TUT4: variants seen among roughly 807,000 people sequenced by gnomAD.
TUT4 encodes the protein terminal uridylyl transferase 4, also known as terminal uridylyltransferase 4.
A neutral mutation model predicts 192.2 loss-of-function variants in TUT4; 36 were observed. The observed-to-expected ratio is 0.19, with a 90% CI of 0.14 to 0.25. The LOEUF (loss-of-function observed/expected upper bound fraction) is 0.25. Among genes scored for constraint, TUT4 ranks in the 10% least tolerant of loss-of-function variants. The pLI, the probability that TUT4 is intolerant of heterozygous loss-of-function variation, is 1.00. For missense variants in TUT4, 1,493 were observed against 1,957.2 expected (o/e 0.76, Z 4.47); for synonymous variants, 618 against 666.0 (o/e 0.93, Z 1.11).
intron 1 of TUT4, among the ~76,000 whole-genome samples, chr1:52,551,031 CTT>C (rs1172382768): frequency 6.6e-6 from 1 of 152,020 alleles, no homozygotes; most frequent in South Asian, 2.1e-4. Context: ...TTAAACAGCT[CTT>C]TGTTAATCAG....
chr1:52,548,545 A>G (rs1049162381), intron 1 of TUT4, among the ~76,000 whole-genome samples: 1 of 152,148 alleles, frequency 6.6e-6, no homozygotes, highest in South Asian at 2.1e-4. Flanking sequence ...TAGCTATGAG[A>G]TATTGTCCAA....
Position 52,423,954 on chromosome 1 carries a change from C to A in TUT4, c.4919G>T (p.Arg1640Ile). The change falls in exon 30 of 30, where the codon AGA becomes ATA. Residue 1640 changes from arginine to isoleucine, a missense_variant. Around this residue, in one of 7 missense-constraint regions of TUT4, gnomAD observed 351 missense variants for 397.8 expected, o/e 0.88. Coordinates refer to ENST00000257177, the MANE Select transcript of TUT4 (RefSeq NM_001009881.3). ...CTCGCATTACTCCGACACGTTTCCTCTTGGTGGGTGGGGACAACGCTCTCT... is the reference window on the plus strand; with the variant it reads ...CTCGCATTACTCCGACACGTTTCCTATTGGTGGGTGGGGACAACGCTCTCT... ...RCRERCPHPP[R>I]GNVSE 2 of 1,613,186 alleles carry A rather than the reference C, an allele frequency of 1.2e-6. No homozygotes were observed. The highest frequency in any genetic ancestry group is 1.7e-6 in the Non-Finnish European group (2 of 1,179,646).
chr1:52,493,014 T>A (rs1557838247), intron 7 of TUT4, among the ~76,000 whole-genome samples: 1 of 152,204 alleles, frequency 6.6e-6, no homozygotes, highest in Non-Finnish European at 1.5e-5. Flanking sequence ...ACATAAGAAA[T>A]GCCCATAATA....
chr1:52,511,181 C>T (rs571567875), intron 3 of TUT4, among the ~76,000 whole-genome samples: 2 of 152,248 alleles, frequency 1.3e-5, no homozygotes, highest in Admixed American at 1.3e-4. Context: ...ATCAGAACTC[C>T]CCATTTTATT....
At chr1:52,536,302 A>T (rs1049246459) in intron 1 of TUT4, among the ~76,000 whole-genome samples, 1 of 152,226 alleles carries the variant, frequency 6.6e-6, no homozygotes, top group Admixed American at 6.5e-5. Context: ...AGCTGGCATT[A>T]TTCAAACTAG....
chr1:52,471,803 T>C (rs1387515803), intron 14 of TUT4, 149 bp downstream of exon 14: 29 of 788,258 alleles, frequency 3.7e-5, no homozygotes, highest in South Asian at 6.5e-5. Context: ...CTGCACATAA[T>C]AGTCATTTAG....
chr1:52,506,832 T>C (rs1275919031), intron 4 of TUT4, among the ~76,000 whole-genome samples: 1 of 152,244 alleles, frequency 6.6e-6, no homozygotes, highest in East Asian at 1.9e-4. Flanking sequence ...CCTCTTTGCA[T>C]ACCTGATAAT....
At chr1:52,523,405 A>G (rs1680834196) in intron 2 of TUT4, among the ~76,000 whole-genome samples, 1 of 152,172 alleles carries the variant, frequency 6.6e-6, no homozygotes, top group African/African-American at 2.4e-5. Context: ...CAAGAGTTCA[A>G]GACCAGCTTA....
chr1:52,455,631 G>C (rs1387171803), intron 20 of TUT4, among the ~76,000 whole-genome samples: 39 of 91,916 alleles, frequency 4.2e-4, no homozygotes, highest in Non-Finnish European at 7.6e-4. Context: ...AAAAAAAAAA[G>C]ACGGGGGAGA....
At chr1:52,464,194 G>A (rs1663415545) in intron 16 of TUT4, among the ~76,000 whole-genome samples, 3 of 152,092 alleles carry the variant, frequency 2.0e-5, no homozygotes, top group African/African-American at 7.2e-5. Context: ...CTCAATAAAT[G>A]TTAGTTCTCC....
intron 15 of TUT4, among the ~76,000 whole-genome samples, chr1:52,467,736 T>G (rs916578810): frequency 6.6e-6 from 1 of 152,184 alleles, no homozygotes; most frequent in African/African-American, 2.4e-5. Context: ...CATTACAATC[T>G]ACCTCTAATA....
intron 5 of TUT4, among the ~76,000 whole-genome samples, chr1:52,496,424 A>T (rs528768994): frequency 1.3e-5 from 2 of 152,202 alleles, no homozygotes; most frequent in South Asian, 2.1e-4. Flanking sequence ...CTCAAAATGG[A>T]TCTATATGAA....
intron 24 of TUT4, among the ~76,000 whole-genome samples, chr1:52,440,608 C>T (rs560983841): frequency 6.6e-6 from 1 of 152,250 alleles, no homozygotes; most frequent in African/African-American, 2.4e-5. Flanking sequence ...CTTGTTCTCT[C>T]TCACCCATCA....
At chr1:52,445,168 A>C (rs1657179183) in intron 24 of TUT4, among the ~76,000 whole-genome samples, 1 of 151,840 alleles carries the variant, frequency 6.6e-6, no homozygotes, top group East Asian at 1.9e-4. Context: ...CTCTGAAGCT[A>C]AAACCTCCTG....
At chr1:52,510,501 T>C (rs961032682) in intron 3 of TUT4, among the ~76,000 whole-genome samples, 3 of 152,118 alleles carry the variant, frequency 2.0e-5, no homozygotes, top group Non-Finnish European at 4.4e-5. Context: ...ATTTCAAAAG[T>C]TGAGTTCGAA....
At chr1:52,501,764 ATAT>A (rs1452499382) in intron 4 of TUT4, among the ~76,000 whole-genome samples, 2 of 152,340 alleles carry the variant, frequency 1.3e-5, no homozygotes, top group South Asian at 2.1e-4. Context: ...ATACGATGGA[ATAT>A]TATTCAACCT....
chr1:52,538,747 T>C (rs1215063741), intron 1 of TUT4: 1 of 151,922 alleles, frequency 6.6e-6, no homozygotes, highest in Non-Finnish European at 1.5e-5. Context: ...CTTTCCTTAC[T>C]AATATTACTT....
chr1:52,424,135 C>A, intron 29 of TUT4, 133 bp from the exon 30 acceptor site: 2 of 839,340 alleles, frequency 2.4e-6, no homozygotes, highest in Non-Finnish European at 3.7e-6. Flanking sequence ...TGCTGCAAAA[C>A]ATTTGAGAGG....
At chr1:52,429,405 G>A (rs946503738) in intron 28 of TUT4, among the ~76,000 whole-genome samples, 1 of 151,436 alleles carries the variant, frequency 6.6e-6, no homozygotes, top group African/African-American at 2.4e-5. Context: ...CATAAGTCAG[G>A]CACAGTGGTG....
Sources: allele counts gnomAD v4.1 joint callset (sites outside exome capture counted in the v4.1 genomes callset), GRCh38; gene constraint gnomAD v4.1.1; regional missense constraint gnomAD v4.1.1; transcripts MANE v1.5; gene names NCBI Gene and HGNC (gene_info 2026-07-23, HGNC 2026-07-21).